COG5: variants seen among roughly 807,000 people sequenced by gnomAD.
COG5 encodes conserved oligomeric Golgi complex subunit 5.
Under a neutral mutation model 110.4 loss-of-function variants are expected in COG5, and 86 were observed. The observed-to-expected ratio is 0.78, with a 90% CI of 0.65 to 0.93. The LOEUF (loss-of-function observed/expected upper bound fraction) is 0.93, where lower values mean the gene tolerates loss of function less well. Ranked by LOEUF, COG5 falls within the 40% of genes least tolerant of loss-of-function variation. The pLI is 0.00. For missense variants in COG5, 1,077 were observed against 987.0 expected (o/e 1.09, Z -1.22); for synonymous variants, 360 against 334.6 (o/e 1.08, Z -0.83).
At chr7:107,461,511 G>A (rs963409968) in intron 6 of COG5, among the ~76,000 whole-genome samples, 1 of 152,032 alleles carries the variant, frequency 6.6e-6, no homozygotes, top group Non-Finnish European at 1.5e-5. Flanking sequence ...TGAAGACATG[G>A]AAAAAAGCAG....
intron 6 of COG5, among the ~76,000 whole-genome samples, chr7:107,504,575 C>T (rs1483314170): frequency 6.6e-6 from 1 of 152,280 alleles, no homozygotes; most frequent in Admixed American, 6.5e-5. Flanking sequence ...AAGATTGATA[C>T]CAGTTCATCT....
At chr7:107,286,282 A>C (rs137864839) in intron 12 of COG5, among the ~76,000 whole-genome samples, 4 of 152,300 alleles carry the variant, frequency 2.6e-5, no homozygotes, top group African/African-American at 9.6e-5. Flanking sequence ...TTGCATATCT[A>C]TAAGGGTGGT....
intron 6 of COG5, among the ~76,000 whole-genome samples, chr7:107,517,906 C>T (rs1800049532): frequency 6.6e-6 from 1 of 152,022 alleles, no homozygotes; most frequent in South Asian, 2.1e-4. Context: ...CTATGTTGGT[C>T]AGGCTGGTCT....
intron 2 of COG5, 40 bp from the exon 3 acceptor site, chr7:107,554,382 G>A: frequency 6.4e-7 from 1 of 1,562,774 alleles, no homozygotes; most frequent in South Asian, 1.1e-5. Flanking sequence ...TGCTCTGTTA[G>A]GTATTCTTCC....
chr7:107,367,471 T>TA (rs1813731101), intron 8 of COG5, among the ~76,000 whole-genome samples: 1 of 152,008 alleles, frequency 6.6e-6, no homozygotes, highest in African/African-American at 2.4e-5. Flanking sequence ...CCTACATGTG[T>TA]ATGTATATCA....
intron 14 of COG5, among the ~76,000 whole-genome samples, chr7:107,270,707 T>C (rs1160438222): frequency 6.6e-6 from 1 of 152,126 alleles, no homozygotes; most frequent in African/African-American, 2.4e-5. Context: ...GTTTCGGTAA[T>C]GTTATTTTAG....
chr7:107,513,840 C>T (rs6945488), intron 6 of COG5, among the ~76,000 whole-genome samples: 90,284 of 150,940 alleles, frequency 0.6, 29,729 homozygotes, highest in African/African-American at 0.9. Context: ...TAGGTGGGAA[C>T]TGAACAATGA....
chr7:107,324,497 T>C lies in COG5; in HGVS notation c.1051A>G (p.Thr351Ala). The change falls in exon 11 of 22, where the codon ACA (threonine) becomes GCA (alanine). Residue 351 changes from threonine to alanine, a missense_variant. Transcript: ENST00000297135. ...GCCTGAGTAACTGAATTCCAAAATGTGTAGAAAATTTCCGGTTGTCCATCC... is the reference window on the plus strand; with the variant it reads ...GCCTGAGTAACTGAATTCCAAAATGCGTAGAAAATTTCCGGTTGTCCATCC... ...VKDGQPEIFY[T>A]FWNSVTQALS... The C allele has an allele frequency of 3.1e-6, 5 of 1,605,810 alleles. No individual in the cohort carries two copies. In the East Asian group the frequency reaches 9.0e-5, roughly 29 times the overall value.
intron 5 of COG5, among the ~76,000 whole-genome samples, chr7:107,544,755 G>A (rs775520908): frequency 3.9e-5 from 6 of 152,092 alleles, no homozygotes; most frequent in Non-Finnish European, 7.3e-5. Flanking sequence ...TCACAATCAG[G>A]GAAACATAAC....
chr7:107,535,694 C>A (rs575971482), intron 5 of COG5, among the ~76,000 whole-genome samples: 2 of 152,246 alleles, frequency 1.3e-5, no homozygotes, highest in East Asian at 1.9e-4. Context: ...TAGCCCAGGA[C>A]CAGACAGATC....
chr7:107,324,470 G>C lies in COG5; in HGVS notation c.1078C>G (p.Leu360Val), dbSNP rs762031095. The C allele has an allele frequency of 5.6e-6, 9 of 1,605,464 alleles. No individual in the cohort carries two copies. Among genetic ancestry groups the C allele is most frequent in the Middle Eastern group, 1.7e-4 (1 of 6,028 alleles). Residue 360 changes from leucine (L) to valine (V), a missense_variant, in exon 11 of 22, where the codon CTT (leucine) becomes GTT (valine). By Grantham distance (32) the Leu-to-Val change is conservative. Coordinates refer to ENST00000297135, the MANE Select transcript of COG5 (RefSeq NM_006348.5). ...YTFWNSVTQA[L>V]SSQFHMATNS... ...GTTGCCATATGAAATTGAGAAGAAA[G>C]TGCCTGAGTAACTGAATTCCAAAAT...
intron 17 of COG5, among the ~76,000 whole-genome samples, chr7:107,241,857 T>C (rs1439282796): frequency 6.6e-6 from 1 of 152,180 alleles, no homozygotes; most frequent in East Asian, 1.9e-4. Context: ...TACGGCTCAC[T>C]GCAGCCTCAA....
rs1239250684 is a variant in COG5 at position 107,538,451 on chromosome 7, A to C, written c.417+9660T>G. On this transcript the variant is annotated intron_variant, in intron 5 of 21. Coordinates refer to ENST00000297135, the MANE Select transcript of COG5 (RefSeq NM_006348.5). Reference sequence around the variant, plus strand: ...CAGGACCCCTCTCTGCAGCAGAGAGAGCTCTTCTCTTTCTTTCGCCTATTA... The same window carrying C: ...CAGGACCCCTCTCTGCAGCAGAGAGCGCTCTTCTCTTTCTTTCGCCTATTA... Among the ~76,000 whole-genome samples, 5 of 152,212 alleles carry C rather than the reference A, an allele frequency of 3.3e-5. No homozygotes were observed. The East Asian group carries it at 9.7e-4, about 29-fold the overall frequency.
At chr7:107,217,767 GA>G (rs903235121) in intron 19 of COG5, among the ~76,000 whole-genome samples, 10 of 152,116 alleles carry the variant, frequency 6.6e-5, no homozygotes, top group Non-Finnish European at 1.3e-4. Flanking sequence ...ACTCAATGGT[GA>G]AAAGTTGAAA....
chr7:107,513,791 T>TG (rs1319424385), intron 6 of COG5, among the ~76,000 whole-genome samples: 1 of 151,644 alleles, frequency 6.6e-6, no homozygotes, highest in Non-Finnish European at 1.5e-5. Context: ...AGCAAACTAT[T>TG]GCAAGGACAA....
At chr7:107,301,527 C>T (rs925851059) in intron 11 of COG5, among the ~76,000 whole-genome samples, 1 of 151,978 alleles carries the variant, frequency 6.6e-6, no homozygotes, top group East Asian at 1.9e-4. Flanking sequence ...AAATTAAAAC[C>T]ACAATGAGAT....
chr7:107,494,939 A>C (rs1261513485), intron 6 of COG5, among the ~76,000 whole-genome samples: 1 of 152,124 alleles, frequency 6.6e-6, no homozygotes, highest in East Asian at 1.9e-4. Context: ...AGTGGGTGGA[A>C]TCCTGAGAGC....
Position 107,507,114 on chromosome 7 carries a change from TG to T in COG5, c.538+20122del, listed in dbSNP as rs1445089926. 3.3e-5 allele frequency among the ~76,000 whole-genome samples: 5 copies of T among 152,270 alleles called. No homozygotes were observed. In the East Asian group the frequency reaches 9.7e-4, roughly 29 times the overall value. On this transcript the variant is annotated intron_variant, in intron 6 of 21. Coordinates refer to ENST00000297135, the MANE Select transcript of COG5 (RefSeq NM_006348.5). ...TGTGGGTTGGATTGTCAGGTTCCCCTGTAGGGGTGTGTATCCTGGAGGCAGT... is the reference window on the plus strand; with the variant it reads ...TGTGGGTTGGATTGTCAGGTTCCCCTTAGGGGTGTGTATCCTGGAGGCAGT...
intron 6 of COG5, among the ~76,000 whole-genome samples, chr7:107,461,359 A>G (rs542449004): frequency 6.6e-6 from 1 of 152,278 alleles, no homozygotes; most frequent in Non-Finnish European, 1.5e-5. Context: ...CATTAAATGG[A>G]AAAAATCTTA....
Sources: gnomAD v4.1 joint callset for allele counts (sites outside exome capture counted in the v4.1 genomes callset) on GRCh38, gnomAD v4.1.1 for gene constraint, MANE v1.5 for transcripts, NCBI Gene and HGNC (gene_info 2026-07-23, HGNC 2026-07-21) for gene names.